EVI5: variants seen among roughly 807,000 people sequenced by gnomAD.
EVI5 encodes ecotropic viral integration site 5 protein homolog.
EVI5 carries 73 observed loss-of-function variants against 112.0 expected under a neutral mutation model. The observed-to-expected ratio is 0.65, with a 90% CI of 0.54 to 0.79. The LOEUF is 0.79. EVI5 is among the 30% of genes least tolerant of loss of function. The pLI, the probability that EVI5 is intolerant of heterozygous loss-of-function variation, is 0.00. For missense variants in EVI5, 900 were observed against 968.8 expected, an observed-to-expected ratio of 0.93 and a Z score of 0.94; for synonymous variants, 305 against 319.9, an observed-to-expected ratio of 0.95 and a Z score of 0.50.
chr1:92,526,646 A>G (rs759269572), intron 19 of EVI5, among the ~76,000 whole-genome samples: 4 of 152,222 alleles, frequency 2.6e-5, no homozygotes, highest in Non-Finnish European at 5.9e-5. Flanking sequence ...ACATTCTGGA[A>G]AAGGAAAAAT....
intron 18 of EVI5, among the ~76,000 whole-genome samples, chr1:92,600,847 A>AC (rs1483632170): frequency 6.6e-6 from 1 of 152,080 alleles, no homozygotes; most frequent in Admixed American, 6.6e-5. Context: ...GGGTTGGGAA[A>AC]CCCTGGTAAA....
At chr1:92,651,866 AG>A (rs56689325) in intron 13 of EVI5, among the ~76,000 whole-genome samples, 49,834 of 127,554 alleles carry the variant, frequency 0.39, 9,213 homozygotes, top group Admixed American at 0.42. Flanking sequence ...AAAAAAAAAA[AG>A]AAAGAAATTG....
At chr1:92,637,644 T>C (rs10782937) in intron 13 of EVI5, among the ~76,000 whole-genome samples, 93,141 of 152,008 alleles carry the variant, frequency 0.61, 29,381 homozygotes, top group East Asian at 0.92. Context: ...ATTTAATTTA[T>C]GTAGTAAAGA....
At position 92,694,346 on chromosome 1, in the gene EVI5, T is replaced by C. The variant is rs1290812711; in HGVS notation, c.952A>G (p.Met318Val). The C allele has an allele frequency of 6.2e-7, 1 of 1,607,050 alleles. No homozygotes were observed. The highest frequency in any genetic ancestry group is 2.2e-5 in the East Asian group (1 of 44,834). Residue 318 changes from methionine to valine, a missense_variant, in exon 8 of 20, where the codon ATG becomes GTG. By Grantham distance (21) the Met-to-Val change is conservative (BLOSUM62 1). Coordinates refer to ENST00000684568, the MANE Select transcript of EVI5 (RefSeq NM_001350197.2). ...AGTTGCATCAGTTCTGCCTGATTCA[T>C]CTGAAGAAGTGCTAATCCTACACGA... ...VFRVGLALLQMNQAELMQLDM... is the reference protein window; with the variant it reads ...VFRVGLALLQVNQAELMQLDM...
chr1:92,555,576 G>A (rs891204223), intron 19 of EVI5, among the ~76,000 whole-genome samples: 5 of 152,106 alleles, frequency 3.3e-5, no homozygotes, highest in Non-Finnish European at 7.4e-5. Flanking sequence ...ATGGCCGGGC[G>A]TGGTGGCTCA....
chr1:92,682,100 CTG>C (rs1324553288), intron 9 of EVI5, among the ~76,000 whole-genome samples: 2 of 152,200 alleles, frequency 1.3e-5, no homozygotes, highest in East Asian at 3.9e-4. Flanking sequence ...GTGTGAGCCA[CTG>C]TGCCCGGCCT....
intron 19 of EVI5, among the ~76,000 whole-genome samples, chr1:92,526,570 T>C (rs900564954): frequency 6.6e-6 from 1 of 152,178 alleles, no homozygotes; most frequent in African/African-American, 2.4e-5. Flanking sequence ...GAACCTTAAA[T>C]GCATATTGCA....
At chr1:92,668,439 AT>A (rs1665293103) in intron 10 of EVI5, among the ~76,000 whole-genome samples, 1 of 152,202 alleles carries the variant, frequency 6.6e-6, no homozygotes, top group African/African-American at 2.4e-5. Context: ...TCTCAATCAT[AT>A]TTCATCAACA....
intron 8 of EVI5, 136 bp downstream of exon 8, chr1:92,694,163 G>C: frequency 1.6e-6 from 1 of 621,206 alleles, no homozygotes; most frequent in Non-Finnish European, 2.8e-6. Flanking sequence ...ACAGAAGGCT[G>C]AAGCGGTAGG....
intron 1 of EVI5, among the ~76,000 whole-genome samples, chr1:92,763,306 G>T (rs1359182449): frequency 6.6e-6 from 1 of 151,852 alleles, no homozygotes; most frequent in Non-Finnish European, 1.5e-5. Flanking sequence ...AATGTTTAAA[G>T]GTCTCAAGAA....
At chr1:92,645,898 C>T (rs769519141) in intron 13 of EVI5, among the ~76,000 whole-genome samples, 4 of 152,206 alleles carry the variant, frequency 2.6e-5, no homozygotes, top group Non-Finnish European at 5.9e-5. Context: ...CTTCACTTCA[C>T]GTTGCATTCT....
intron 14 of EVI5, among the ~76,000 whole-genome samples, chr1:92,629,912 T>C (rs961002025): frequency 4.0e-5 from 6 of 149,236 alleles, no homozygotes; most frequent in Admixed American, 2.0e-4. Flanking sequence ...TGAGAACATG[T>C]GGTGTTTGGT....
chr1:92,779,641 C>T (rs1558250915), intron 1 of EVI5, among the ~76,000 whole-genome samples: 1 of 152,078 alleles, frequency 6.6e-6, no homozygotes, highest in Non-Finnish European at 1.5e-5. Context: ...GGAGGCTGAA[C>T]CTACTGGCCT....
At chr1:92,590,316 C>T (rs527865649) in intron 18 of EVI5, among the ~76,000 whole-genome samples, 5 of 152,178 alleles carry the variant, frequency 3.3e-5, no homozygotes, top group South Asian at 2.1e-4. Flanking sequence ...CGAACTACTC[C>T]GAGCTAAAGG....
At chr1:92,725,239 C>T in intron 2 of EVI5, among the ~76,000 whole-genome samples, 1 of 152,176 alleles carries the variant, frequency 6.6e-6, no homozygotes, top group South Asian at 2.1e-4. Flanking sequence ...GTAACCATGG[C>T]TAACATTCAC....
chr1:92,760,176 C>T (rs371910645), intron 1 of EVI5, among the ~76,000 whole-genome samples: 1 of 151,850 alleles, frequency 6.6e-6, no homozygotes, highest in African/African-American at 2.4e-5. Context: ...TTGGAGAGTC[C>T]TTTGTCATGA....
intron 18 of EVI5, among the ~76,000 whole-genome samples, chr1:92,595,276 G>C (rs1557865238): frequency 1.3e-5 from 2 of 151,628 alleles, no homozygotes; most frequent in Admixed American, 1.3e-4. Context: ...GGACATGGAT[G>C]AAGCTGGAAA....
chr1:92,695,953 T>TTTTC (rs1670254464), intron 6 of EVI5, among the ~76,000 whole-genome samples: 2 of 150,584 alleles, frequency 1.3e-5, no homozygotes, highest in Non-Finnish European at 1.5e-5. Flanking sequence ...TTTTTTGAGA[T>TTTTC]GGGGTCTCAC....
intron 2 of EVI5, among the ~76,000 whole-genome samples, chr1:92,715,407 A>C (rs551865690): frequency 1.3e-5 from 2 of 152,304 alleles, no homozygotes; most frequent in East Asian, 3.9e-4. Context: ...AGAGTGACTT[A>C]AACTTCTGCT....
Sources: allele counts gnomAD v4.1 joint callset (sites outside exome capture counted in the v4.1 genomes callset), GRCh38; gene constraint gnomAD v4.1.1; transcripts MANE v1.5; gene names NCBI Gene and HGNC (gene_info 2026-07-23, HGNC 2026-07-21).